Variants in MBD5 observed in about 807,000 individuals in gnomAD.
MBD5 encodes methyl-CpG-binding domain protein 5.
MBD5 carries 13 observed loss-of-function variants against 117.3 expected under a neutral mutation model. The observed-to-expected ratio is 0.11, with a 90% CI of 0.07 to 0.18. The LOEUF is 0.18. Ranked by LOEUF, MBD5 falls within the 10% of genes least tolerant of loss-of-function variation. The pLI, the probability that MBD5 is intolerant of heterozygous loss-of-function variation, is 1.00. For synonymous variants in MBD5, 727 were observed against 766.4 expected, an observed-to-expected ratio of 0.95 and a Z score of 0.85; for missense variants, 1,879 against 2,093.8, an observed-to-expected ratio of 0.90 and a Z score of 2.00.
intron 4 of MBD5, among the ~76,000 whole-genome samples, chr2:148,446,755 T>TA (rs1706545472): frequency 6.6e-6 from 1 of 151,956 alleles, no homozygotes; most frequent in East Asian, 1.9e-4. Flanking sequence ...CAAAATAAGT[T>TA]AGAGTGTTTC....
chr2:148,030,932 A>G (rs1029314632), intron 1 of MBD5, among the ~76,000 whole-genome samples: 1 of 152,176 alleles, frequency 6.6e-6, no homozygotes, highest in Admixed American at 6.5e-5. Flanking sequence ...TGAGGAAGGA[A>G]CAATGGATAT....
chr2:148,090,928 ACT>A (rs1695925284), intron 1 of MBD5, among the ~76,000 whole-genome samples: 1 of 151,966 alleles, frequency 6.6e-6, no homozygotes, highest in Non-Finnish European at 1.5e-5. Flanking sequence ...TACCTAGAAA[ACT>A]CTAAAGATTT....
At chr2:148,277,029 G>C (rs535377584) in intron 3 of MBD5, among the ~76,000 whole-genome samples, 1 of 152,234 alleles carries the variant, frequency 6.6e-6, no homozygotes, top group East Asian at 1.9e-4. Flanking sequence ...GAGAACAATT[G>C]TGTCTCCCTT....
chr2:148,113,942 C>A (rs1412460229), intron 1 of MBD5, among the ~76,000 whole-genome samples: 3 of 151,950 alleles, frequency 2.0e-5, no homozygotes, highest in Non-Finnish European at 4.4e-5. Flanking sequence ...TGATTCTTTT[C>A]ATCAACAGTA....
chr2:148,245,620 C>A (rs574776789), intron 3 of MBD5, among the ~76,000 whole-genome samples: 26 of 151,924 alleles, frequency 1.7e-4, no homozygotes, highest in Non-Finnish European at 3.8e-4. Flanking sequence ...CTATATATTA[C>A]TTTAAGTATA....
intron 1 of MBD5, among the ~76,000 whole-genome samples, chr2:148,066,858 C>T (rs1031625934): frequency 6.6e-6 from 1 of 152,204 alleles, no homozygotes; most frequent in Admixed American, 6.5e-5. Flanking sequence ...GCGTTTGTCT[C>T]ATTCTAACTT....
At chr2:148,217,581 G>A (rs1161831805) in intron 2 of MBD5, among the ~76,000 whole-genome samples, 1 of 152,192 alleles carries the variant, frequency 6.6e-6, no homozygotes, top group Non-Finnish European at 1.5e-5. Context: ...GTTTTCATAA[G>A]ATGTCTTTTC....
intron 1 of MBD5, among the ~76,000 whole-genome samples, chr2:148,081,847 C>T (rs373835157): frequency 6.6e-6 from 1 of 152,114 alleles, no homozygotes; most frequent in African/African-American, 2.4e-5. Context: ...GGGAGAAATT[C>T]CAGGTATCTT....
chr2:148,506,129 C>T (rs1335128638), intron 12 of MBD5, among the ~76,000 whole-genome samples: 5 of 152,206 alleles, frequency 3.3e-5, no homozygotes, highest in Admixed American at 3.3e-4. Flanking sequence ...TTTTAATCCT[C>T]AGTATCCTCA....
intron 4 of MBD5, among the ~76,000 whole-genome samples, chr2:148,368,039 C>T (rs1312465280): frequency 2.0e-5 from 3 of 152,144 alleles, no homozygotes; most frequent in African/African-American, 7.2e-5. Flanking sequence ...ACGTTTATTG[C>T]AGCATTATTC....
chr2:148,024,658 G>A (rs1171707910), intron 1 of MBD5, among the ~76,000 whole-genome samples: 2 of 151,894 alleles, frequency 1.3e-5, no homozygotes, highest in Non-Finnish European at 2.9e-5. Context: ...TCTCTACTGT[G>A]GCTCTCATTT....
Position 148,515,685 on chromosome 2 carries a change from G to T in MBD5, c.*2744G>T, listed in dbSNP as rs984132162. The T allele has an allele frequency of 6.6e-6, 1 of 152,012 alleles. No individual in the cohort carries two copies. The highest frequency in any genetic ancestry group is 1.9e-4 in the East Asian group (1 of 5,196). 9.4% of individuals were successfully genotyped at this position (152,012 alleles called of 1,614,324 possible). On this transcript the variant is annotated 3_prime_UTR_variant, in exon 14 of 14. Transcript: ENST00000642680. ...TAAACTTTTTAAGAAACAAATCCAA[G>T]AATGGAAACAGATGAAAAATTTTTT...
At chr2:148,310,456 T>C (rs1702001453) in intron 3 of MBD5, among the ~76,000 whole-genome samples, 1 of 152,228 alleles carries the variant, frequency 6.6e-6, no homozygotes. Flanking sequence ...TATTCTCTGA[T>C]GGTAGTTTGT....
At chr2:148,503,637 C>T (rs1349760649) in intron 12 of MBD5, among the ~76,000 whole-genome samples, 1 of 152,148 alleles carries the variant, frequency 6.6e-6, no homozygotes, top group Non-Finnish European at 1.5e-5. Flanking sequence ...GTCTCTATGT[C>T]CCGGACTCCT....
chr2:148,092,432 A>G (rs1204908465), intron 1 of MBD5, among the ~76,000 whole-genome samples: 1 of 152,230 alleles, frequency 6.6e-6, no homozygotes, highest in Non-Finnish European at 1.5e-5. Context: ...TCAACCAACA[A>G]GTGGATAAAG....
intron 3 of MBD5, among the ~76,000 whole-genome samples, chr2:148,256,274 A>G (rs944608161): frequency 2.0e-5 from 3 of 152,216 alleles, no homozygotes; most frequent in Admixed American, 6.5e-5. Flanking sequence ...TACCCCCTGC[A>G]TGTCCCAATT....
At chr2:148,492,880 A>G (rs1681573079) in intron 11 of MBD5, among the ~76,000 whole-genome samples, 1 of 152,134 alleles carries the variant, frequency 6.6e-6, no homozygotes, top group Non-Finnish European at 1.5e-5. Flanking sequence ...TGTATTTCAG[A>G]GAGATATCTA....
chr2:148,087,544 C>G (rs1249245770), intron 1 of MBD5, among the ~76,000 whole-genome samples: 2 of 152,216 alleles, frequency 1.3e-5, no homozygotes, highest in African/African-American at 4.8e-5. Flanking sequence ...TCACAGGACT[C>G]TTTGCAGACA....
intron 3 of MBD5, among the ~76,000 whole-genome samples, chr2:148,236,217 G>A (rs1700089124): frequency 6.6e-6 from 1 of 152,082 alleles, no homozygotes; most frequent in South Asian, 2.1e-4. Context: ...AGACAGCAAG[G>A]AATATTGCCA....
Sources: allele counts gnomAD v4.1 joint callset (sites outside exome capture counted in the v4.1 genomes callset), GRCh38; gene constraint gnomAD v4.1.1; transcripts MANE v1.5; gene names NCBI Gene and HGNC (gene_info 2026-07-23, HGNC 2026-07-21).